The following CHAF1A variants were observed in gnomAD, a reference collection of about 807,000 sequenced individuals.
CHAF1A encodes the protein CAF-1 subunit A.
In CHAF1A, 5 loss-of-function variants were observed where a neutral mutation model predicts 93.2. The observed-to-expected ratio is 0.05, with a 90% CI of 0.03 to 0.11. The LOEUF is 0.11. Ranked by LOEUF, CHAF1A falls within the 10% of genes least tolerant of loss-of-function variation. The pLI is 1.00. For synonymous variants in CHAF1A, 504 were observed against 510.3 expected, an observed-to-expected ratio of 0.99 and a Z score of 0.17; for missense variants, 1,102 against 1,259.9, an observed-to-expected ratio of 0.87 and a Z score of 1.90.
At chr19:4,440,652 GT>G in intron 13 of CHAF1A, among the ~76,000 whole-genome samples, 1 of 152,102 alleles carries the variant, frequency 6.6e-6, no homozygotes, top group East Asian at 1.9e-4. Flanking sequence ...CAATTTCATG[GT>G]TGGGTGGGGC....
At chr19:4,445,076 A>G (rs2705), downstream of CHAF1A, 98,199 of 182,328 alleles carry the variant, frequency 0.54, 27,252 homozygotes, top group Admixed American at 0.72. Context: ...GAAGGCCAGC[A>G]TCCCCTCCTG....
rs777088123 is a variant in CHAF1A at position 4,422,463 on chromosome 19, C to T, written c.1018-103C>T. On this transcript the variant is annotated intron_variant, in intron 4 of 14. Coordinates refer to ENST00000301280, the MANE Select transcript of CHAF1A (RefSeq NM_005483.3). The surrounding 1 kb of genome is among the most constrained non-coding windows in gnomAD (Gnocchi z 4.6). ...CATGCCTAGCCTTGGTCCCTCAATT[C>T]TGTTCATCCCGTCCAGGCCGTGCTG... The T allele has an allele frequency of 9.6e-7, 1 of 1,042,920 alleles. No homozygotes were observed. Among genetic ancestry groups the T allele is most frequent in the Non-Finnish European group, 1.4e-6 (1 of 707,540 alleles). The allele number at this position is 1,042,920 out of a possible 1,614,324, so 64.6% of individuals were successfully genotyped here. A position where few individuals can be genotyped will look rare whatever the true frequency, so the allele number is the denominator to read the frequency against.
intron 7 of CHAF1A, 53 bp from the exon 8 acceptor site, chr19:4,428,611 G>T: frequency 6.7e-7 from 1 of 1,481,904 alleles, no homozygotes; most frequent in Non-Finnish European, 9.4e-7. Flanking sequence ...CGTCCATGGT[G>T]CCTCCTTTCT....
At position 4,428,731 on chromosome 19, in the gene CHAF1A, G is replaced by A. The variant is rs373148905; in HGVS notation, c.1445G>A (p.Arg482Gln). 27 of 1,614,012 alleles carry A rather than the reference G, an allele frequency of 1.7e-5. No homozygotes were observed. The highest frequency in any genetic ancestry group is 1.6e-4 in the Middle Eastern group (1 of 6,084). Residue 482 changes from arginine to glutamine, a missense_variant, in exon 8 of 15, where the codon CGG becomes CAG. Physicochemically the swap from Arg to Gln is conservative, Grantham distance 43 (BLOSUM62 1). Coordinates refer to ENST00000301280, the MANE Select transcript of CHAF1A (RefSeq NM_005483.3). ...AAAGAGCACATGGTCCTGGCCCCTC[G>A]GCGTCGGACCGCTTTCCATCCAGAC... The part of the protein sequence containing the change: ...EIKEHMVLAP[R>Q]RRTAFHPDLC...
chr19:4,431,806 C>A, intron 11 of CHAF1A, 146 bp from the exon 12 acceptor site: 1 of 934,126 alleles, frequency 1.1e-6, no homozygotes, highest in Non-Finnish European at 1.6e-6. Context: ...ATGGTGTGCT[C>A]TGCCCTGGCC....
chr19:4,442,266 G>T lies in CHAF1A; in HGVS notation c.2695G>T (p.Gly899Cys). 1 of 1,613,976 alleles carries T rather than the reference G, an allele frequency of 6.2e-7. No individual in the cohort carries two copies. ...DGQIGAEDMD[G>C]FQADTEEEEE... is the part of the protein sequence containing the mutation. ...CCAGATTGGTGCTGAAGACATGGAC[G>T]GCTTCCAGGCAGACACGGAGGAGGA... The change falls in exon 14 of 15, where the codon GGC (glycine) becomes TGC (cysteine). Residue 899 changes from glycine (G) to cysteine (C), a missense_variant. Physicochemically the swap from Gly to Cys is radical, Grantham distance 159. Coordinates refer to ENST00000301280, the MANE Select transcript of CHAF1A (RefSeq NM_005483.3).
Position 4,408,971 on chromosome 19 carries a change from G to A in CHAF1A, c.172G>A (p.Gly58Ser). The change falls in exon 3 of 15, where the codon GGT becomes AGT. Residue 58 changes from glycine (G) to serine (S), a missense_variant. Transcript: ENST00000301280. Reference protein sequence around the residue: ...GKADDMSDDQGTSVQSKSPDL... With the variant: ...GKADDMSDDQSTSVQSKSPDL... ...AGCCGATGACATGTCAGACGATCAG[G>A]GTACTTCTGTGCAAAGTAAAAGCCC... The A allele has an allele frequency of 6.2e-7, 1 of 1,614,178 alleles. No individual in the cohort carries two copies.
intron 13 of CHAF1A, among the ~76,000 whole-genome samples, chr19:4,441,854 C>T (rs1157730023): frequency 1.8e-4 from 27 of 151,642 alleles, no homozygotes; most frequent in East Asian, 3.9e-4. Context: ...GTCGAGATCG[C>T]GCCACTGCAC....
At chr19:4,434,678 A>G (rs964636034) in intron 13 of CHAF1A, among the ~76,000 whole-genome samples, 1 of 150,780 alleles carries the variant, frequency 6.6e-6, no homozygotes, top group African/African-American at 2.4e-5. Context: ...TTTTTTTCAC[A>G]CTGAATAATA....
chr19:4,403,857 A>G (rs879346173), intron 1 of CHAF1A, among the ~76,000 whole-genome samples: 40 of 152,108 alleles, frequency 2.6e-4, no homozygotes, highest in South Asian at 6.2e-4. Context: ...GTTTAACTTT[A>G]TTTATTTATT....
chr19:4,414,695 G>A (rs1293900616), intron 3 of CHAF1A, among the ~76,000 whole-genome samples: 1 of 152,178 alleles, frequency 6.6e-6, no homozygotes, highest in Non-Finnish European at 1.5e-5. Flanking sequence ...AGGTTACAGA[G>A]CTGTTTTCTC....
intron 1 of CHAF1A, among the ~76,000 whole-genome samples, chr19:4,404,039 T>C (rs1287270290): frequency 6.6e-6 from 1 of 152,020 alleles, no homozygotes; most frequent in Non-Finnish European, 1.5e-5. Context: ...CAGGCTGGTC[T>C]CGAACTTCTG....
At chr19:4,436,951 C>A (rs1974294916) in intron 13 of CHAF1A, among the ~76,000 whole-genome samples, 1 of 152,202 alleles carries the variant, frequency 6.6e-6, no homozygotes, top group Admixed American at 6.6e-5. Context: ...CATCCCTAAC[C>A]ACAAGGAAAG....
chr19:4,427,580 TTTTTGTTTTG>T (rs1007004006), intron 7 of CHAF1A, among the ~76,000 whole-genome samples: 12 of 149,284 alleles, frequency 8.0e-5, no homozygotes, highest in African/African-American at 3.0e-4. Flanking sequence ...GCCAAGCTAA[TTTTTGTTTTG>T]TTTTGTTTTG....
intron 11 of CHAF1A, 90 bp downstream of exon 11, chr19:4,430,731 TC>T (rs1974167077): frequency 3.7e-6 from 5 of 1,363,104 alleles, no homozygotes; most frequent in Non-Finnish European, 2.1e-6. Flanking sequence ...GTGACGGGGG[TC>T]CCAGCCCAAC....
chr19:4,424,298 C>T (rs992348038), intron 7 of CHAF1A, among the ~76,000 whole-genome samples: 19 of 152,162 alleles, frequency 1.2e-4, no homozygotes, highest in African/African-American at 4.6e-4. Context: ...GCATGGAAAC[C>T]ACAGCCCTCC....
downstream of CHAF1A, chr19:4,446,430 G>A: frequency 6.3e-7 from 1 of 1,577,680 alleles, no homozygotes; most frequent in Non-Finnish European, 8.6e-7. Context: ...ACGCGGGCCA[G>A]GTCACGAGGG....
intron 10 of CHAF1A, 140 bp downstream of exon 10, chr19:4,429,928 T>A: frequency 1.4e-6 from 1 of 701,116 alleles, no homozygotes; most frequent in Non-Finnish European, 2.4e-6. Context: ...GTCTGAAACC[T>A]GAACGCACCT....
chr19:4,446,574 CA>C (rs1568188684), downstream of CHAF1A: 1 of 1,612,612 alleles, frequency 6.2e-7, no homozygotes, highest in East Asian at 2.2e-5. Context: ...ACTGCGAGGC[CA>C]GGGGCGAGGG....
Sources: allele counts gnomAD v4.1 joint callset (sites outside exome capture counted in the v4.1 genomes callset), GRCh38; gene constraint gnomAD v4.1.1; non-coding constraint Gnocchi (gnomAD v3.1); transcripts MANE v1.5; gene names NCBI Gene and HGNC (gene_info 2026-07-23, HGNC 2026-07-21).